Variants in DPH6 observed in about 807,000 individuals in gnomAD.
DPH6 encodes the protein diphthamine biosynthesis 6, also known as diphthine--ammonia ligase.
In DPH6, 33 loss-of-function variants were observed where a neutral mutation model predicts 38.2. That is an observed-to-expected ratio of 0.86 (90% confidence interval 0.65 to 1.15). The LOEUF is 1.15. Among genes scored for constraint, DPH6 ranks in the 50% most tolerant of loss-of-function variants. The probability of loss-of-function intolerance (pLI) is 0.00; values close to 1 mark genes in which losing one functional copy is unlikely to be tolerated. For missense variants in DPH6, 325 were observed against 320.0 expected (o/e 1.02, Z -0.12); for synonymous variants, 108 against 103.0 (o/e 1.05, Z -0.30).
chr15:35,251,282 C>G (rs1179080317), intron 3 of DPH6, among the ~76,000 whole-genome samples: 1 of 152,120 alleles, frequency 6.6e-6, no homozygotes, highest in African/African-American at 2.4e-5. Flanking sequence ...ACCCCTCCTG[C>G]AACTAACTGG....
At chr15:35,348,406 A>G (rs181187079) in intron 3 of DPH6, among the ~76,000 whole-genome samples, 471 of 152,186 alleles carry the variant, frequency 3.1e-3, no homozygotes, top group African/African-American at 0.011. Context: ...TGAAGAGACT[A>G]TTTTCCATTG....
intron 3 of DPH6, among the ~76,000 whole-genome samples, chr15:35,308,386 T>C (rs1736005129): frequency 6.6e-6 from 1 of 152,238 alleles, no homozygotes; most frequent in East Asian, 1.9e-4. Flanking sequence ...TTGTATCTCA[T>C]AAATGTATAC....
rs946142677 is a variant in DPH6, at chr15:35,237,690, A to G, written n.201-17108T>C. 2.7e-5 allele frequency: 43 copies of G among 1,613,894 alleles called. 1 individual carries two copies. The highest frequency in any genetic ancestry group is 1.9e-4 in the African/African-American group (14 of 74,876). ...AACCTCAAGAGCTTAGACCTTTTCA[A>G]TTGCGAGGTAACCAACCTGAACGAC... is the stretch of plus-strand genomic sequence containing the variant. On this transcript the variant is annotated intron_variant and non_coding_transcript_variant, in intron 3 of 3. Transcript: ENST00000560386.
chr15:35,259,546 C>A (rs1017068237), intron 3 of DPH6, among the ~76,000 whole-genome samples: 1 of 152,126 alleles, frequency 6.6e-6, no homozygotes, highest in African/African-American at 2.4e-5. Flanking sequence ...TTCTACATTT[C>A]GTTTTTATAT....
chr15:35,317,780 TAATA>T (rs1182339220), intron 3 of DPH6, among the ~76,000 whole-genome samples: 3 of 152,094 alleles, frequency 2.0e-5, no homozygotes, highest in Admixed American at 6.6e-5. Flanking sequence ...CAAAGGATGG[TAATA>T]AATAAAGTTA....
intron 3 of DPH6, among the ~76,000 whole-genome samples, chr15:35,478,494 A>G (rs936276848): frequency 3.3e-5 from 5 of 151,736 alleles, no homozygotes; most frequent in African/African-American, 1.2e-4. Context: ...ACTTAATACT[A>G]TCAACACTAT....
chr15:35,476,630 A>G (rs2054267355), intron 3 of DPH6, among the ~76,000 whole-genome samples: 1 of 151,790 alleles, frequency 6.6e-6, no homozygotes, highest in African/African-American at 2.4e-5. Context: ...AGAAGAAAAA[A>G]AATTACACTG....
intron 3 of DPH6, chr15:35,299,246 T>C: frequency 8.8e-7 from 1 of 1,135,636 alleles, no homozygotes; most frequent in South Asian, 1.2e-5. Context: ...TGTCCACAAT[T>C]TGCCCGGTCA....
intron 3 of DPH6, among the ~76,000 whole-genome samples, chr15:35,318,088 A>G (rs910462661): frequency 9.2e-5 from 14 of 152,050 alleles, no homozygotes; most frequent in African/African-American, 3.4e-4. Context: ...CAATTGCTCC[A>G]ATTAAAACCC....
intron 3 of DPH6, among the ~76,000 whole-genome samples, chr15:35,462,536 C>G (rs2054078292): frequency 6.6e-6 from 1 of 152,172 alleles, no homozygotes; most frequent in African/African-American, 2.4e-5. Flanking sequence ...TCTGGGCTTA[C>G]CTTTGCCTGT....
rs1467634941 is a variant in DPH6, at chr15:35,223,719, G to A, written n.201-3137C>T. 4.6e-5 allele frequency among the ~76,000 whole-genome samples: 7 copies of A among 151,846 alleles called. No homozygotes were observed. The East Asian group carries it at 1.4e-3, about 29-fold the overall frequency. On this transcript the variant is annotated intron_variant and non_coding_transcript_variant, in intron 3 of 3. Transcript: ENST00000560386. ...AAGCAATCAAATTTGTCATAATTTTGGAGGGGACAAACATTTACACTATAG... is the reference window on the plus strand; with the variant it reads ...AAGCAATCAAATTTGTCATAATTTTAGAGGGGACAAACATTTACACTATAG...
intron 5 of DPH6, among the ~76,000 whole-genome samples, chr15:35,423,803 C>T (rs1472658965): frequency 2.0e-5 from 3 of 151,662 alleles, no homozygotes; most frequent in African/African-American, 7.2e-5. Flanking sequence ...GGATAATTTT[C>T]CTGGCACCAT....
At chr15:35,436,367 G>A (rs1277693425) in intron 5 of DPH6, among the ~76,000 whole-genome samples, 3 of 152,064 alleles carry the variant, frequency 2.0e-5, no homozygotes, top group Non-Finnish European at 4.4e-5. Flanking sequence ...TCGGGAGGCT[G>A]AGGCAGGAGA....
chr15:35,462,435 C>T (rs767019604), intron 3 of DPH6, among the ~76,000 whole-genome samples: 2 of 152,190 alleles, frequency 1.3e-5, no homozygotes, highest in African/African-American at 4.8e-5. Context: ...GACATCACCA[C>T]CAACTACTGC....
intron 6 of DPH6, among the ~76,000 whole-genome samples, chr15:35,383,195 T>C (rs945525294): frequency 6.6e-6 from 1 of 152,236 alleles, no homozygotes; most frequent in Non-Finnish European, 1.5e-5. Flanking sequence ...AATAACTACA[T>C]TTTTAAATTA....
At chr15:35,250,147 C>T (rs137943949) in intron 3 of DPH6, among the ~76,000 whole-genome samples, 33 of 151,882 alleles carry the variant, frequency 2.2e-4, no homozygotes, top group African/African-American at 6.3e-4. Flanking sequence ...CACTGCACTC[C>T]AGCCTGGGTG....
chr15:35,300,785 C>A (rs1161560818), intron 3 of DPH6, among the ~76,000 whole-genome samples: 1 of 152,108 alleles, frequency 6.6e-6, no homozygotes, highest in African/African-American at 2.4e-5. Context: ...CATTTGAGAA[C>A]TAAAGAATCC....
At chr15:35,379,196 T>C (rs1236547959) in intron 7 of DPH6, among the ~76,000 whole-genome samples, 2 of 152,208 alleles carry the variant, frequency 1.3e-5, no homozygotes, top group East Asian at 1.9e-4. Flanking sequence ...CATGATTACA[T>C]TGGCCCACAT....
At chr15:35,333,321 A>C (rs1016046726) in intron 3 of DPH6, among the ~76,000 whole-genome samples, 1 of 152,194 alleles carries the variant, frequency 6.6e-6, no homozygotes, top group African/African-American at 2.4e-5. Flanking sequence ...AAGGAGCAAA[A>C]GTATTATACT....
Sources: allele counts gnomAD v4.1 joint callset (sites outside exome capture counted in the v4.1 genomes callset), GRCh38; gene constraint gnomAD v4.1.1; transcripts MANE v1.5; gene names NCBI Gene and HGNC (gene_info 2026-07-23, HGNC 2026-07-21).